Variants in PLEKHA6 observed in about 807,000 individuals in gnomAD.
PLEKHA6 encodes pleckstrin homology domain-containing family A member 6.
Under a neutral mutation model 116.7 loss-of-function variants are expected in PLEKHA6, and 60 were observed. The ratio of observed to expected loss-of-function variants is 0.51; its 90% CI spans 0.42 to 0.64. The LOEUF (loss-of-function observed/expected upper bound fraction) is 0.64, where lower values mean the gene tolerates loss of function less well. Among genes scored for constraint, PLEKHA6 ranks in the 30% least tolerant of loss-of-function variants. The pLI is 0.00. For synonymous variants in PLEKHA6, 489 were observed against 556.1 expected (o/e 0.88, Z 1.70); for missense variants, 1,338 against 1,422.7 (o/e 0.94, Z 0.96).
intron 17 of PLEKHA6, among the ~76,000 whole-genome samples, chr1:204,232,740 A>G (rs1661370505): frequency 6.6e-6 from 1 of 152,234 alleles, no homozygotes; most frequent in Non-Finnish European, 1.5e-5. Context: ...AAAGCTGTGG[A>G]TGCAGAGGCA....
Position 204,250,611 on chromosome 1 carries a change from G to A in PLEKHA6, c.1528C>T (p.Pro510Ser), listed in dbSNP as rs1194090986. The A allele has an allele frequency of 2.5e-6, 4 of 1,611,102 alleles. No individual in the cohort carries two copies. In the East Asian group the frequency reaches 8.9e-5, roughly 36 times the overall value. ...TCCCGGAACACTTCTGGGTATGGAG[G>A]GACCTGCAGGAACATGAGGCCGGTT... ...MRRSISSPKV[P>S]PYPEVFRDSL... Residue 510 changes from proline to serine, a missense_variant, in exon 10 of 23, where the codon CCT becomes TCT. Transcript: ENST00000272203.
intron 6 of PLEKHA6, 142 bp downstream of exon 6, chr1:204,264,800 C>A: frequency 1.4e-6 from 1 of 712,224 alleles, no homozygotes; most frequent in South Asian, 1.6e-5. Context: ...TACTCCTCCT[C>A]CCCCAACCCA....
At chr1:204,227,969 C>G (rs1187414040) in intron 21 of PLEKHA6, 114 bp downstream of exon 21, 2 of 1,112,198 alleles carry the variant, frequency 1.8e-6, no homozygotes, top group African/African-American at 3.1e-5. Context: ...GGAGCATCTC[C>G]TCAGCCTTGT....
chr1:204,354,017 G>A (rs905234464), intron 1 of PLEKHA6, among the ~76,000 whole-genome samples: 8 of 152,182 alleles, frequency 5.3e-5, no homozygotes, highest in Admixed American at 6.5e-5. Context: ...AACAATGACC[G>A]CACCACCTGA....
chr1:204,240,476 G>C (rs1165071674), intron 17 of PLEKHA6, among the ~76,000 whole-genome samples: 1 of 152,210 alleles, frequency 6.6e-6, no homozygotes, highest in Non-Finnish European at 1.5e-5. Context: ...ATATGTTTGT[G>C]CATGTATACA....
intron 13 of PLEKHA6, 133 bp from the exon 14 acceptor site, chr1:204,245,859 C>T (rs1663588541): frequency 3.4e-6 from 2 of 592,034 alleles, no homozygotes; most frequent in Admixed American, 2.9e-5. Flanking sequence ...CACACACACA[C>T]ACACACACAC....
Position 204,261,389 on chromosome 1 carries a change from C to A in PLEKHA6, c.441G>T (p.Glu147Asp). ...FFSAESPEEQ[E>D]AWIQAMGEAA... ...CCTCCCCCATGGCCTGGATCCAGGC[C>A]TCTTGCTCCTCGGGGCTCTCGGCAC... Residue 147 changes from glutamate to aspartate, a missense_variant, in exon 7 of 23, where the codon GAG (glutamate) becomes GAT (aspartate). Physicochemically the swap from Glu to Asp is conservative, Grantham distance 45. Transcript: ENST00000272203. The surrounding 1 kb of genome is among the most constrained non-coding windows in gnomAD (Gnocchi z 4.0). The A allele has an allele frequency of 1.2e-6, 2 of 1,614,116 alleles. No homozygotes were observed. Among genetic ancestry groups the A allele is most frequent in the Non-Finnish European group, 1.7e-6 (2 of 1,180,010 alleles).
intron 2 of PLEKHA6, among the ~76,000 whole-genome samples, chr1:204,371,053 C>CAAAAAAAAAAAAAAA (rs34493461): frequency 5.7e-4 from 39 of 68,482 alleles, no homozygotes; most frequent in African/African-American, 2.2e-3. Context: ...GACTCTGCCT[C>CAAAAAAAAAAAAAAA]AAAAAAAAAA....
chr1:204,274,129 A>T (rs1320600198), intron 2 of PLEKHA6, among the ~76,000 whole-genome samples: 1 of 151,686 alleles, frequency 6.6e-6, no homozygotes, highest in Non-Finnish European at 1.5e-5. Flanking sequence ...ACAGGGTGTC[A>T]CTATGTGGCC....
intron 6 of PLEKHA6, chr1:204,262,152 T>G (rs73075550): frequency 2.0e-5 from 3 of 152,278 alleles, no homozygotes; most frequent in Non-Finnish European, 4.4e-5. Flanking sequence ...CAGATTGTCC[T>G]CTTCTACTCA....
At chr1:204,350,781 G>A (rs530272125) in intron 1 of PLEKHA6, among the ~76,000 whole-genome samples, 2 of 152,232 alleles carry the variant, frequency 1.3e-5, no homozygotes, top group South Asian at 4.2e-4. Flanking sequence ...CTCCTGAGCC[G>A]CCCTGTCAAA....
At chr1:204,313,115 C>T (rs1048782145) in intron 1 of PLEKHA6, among the ~76,000 whole-genome samples, 1 of 133,622 alleles carries the variant, frequency 7.5e-6, no homozygotes, top group Non-Finnish European at 1.6e-5. Flanking sequence ...TTCCTTCCTT[C>T]CTTGCGTTGC....
chr1:204,354,123 G>C (rs1043262119), intron 1 of PLEKHA6, among the ~76,000 whole-genome samples: 4 of 152,188 alleles, frequency 2.6e-5, no homozygotes, highest in African/African-American at 9.7e-5. Flanking sequence ...CTCAGATCAT[G>C]ATGAGCCAGA....
At chr1:204,262,834 C>T (rs1246549458) in intron 6 of PLEKHA6, among the ~76,000 whole-genome samples, 1 of 151,990 alleles carries the variant, frequency 6.6e-6, no homozygotes, top group African/African-American at 2.4e-5. Flanking sequence ...GAGGTGTTGA[C>T]AAAAAGCCAG....
chr1:204,282,671 A>G (rs1341464606), intron 1 of PLEKHA6: 1 of 985,262 alleles, frequency 1.0e-6, no homozygotes, highest in Non-Finnish European at 1.2e-6. Flanking sequence ...ATTGTGGGGA[A>G]CTGCGATTCT....
chr1:204,309,170 G>T, intron 1 of PLEKHA6: 2 of 435,028 alleles, frequency 4.6e-6, no homozygotes, highest in Non-Finnish European at 6.1e-6. Context: ...TGAGGTCATA[G>T]ACAGATTCAC....
At chr1:204,273,990 G>A (rs1484353172) in intron 2 of PLEKHA6, among the ~76,000 whole-genome samples, 1 of 152,166 alleles carries the variant, frequency 6.6e-6, no homozygotes, top group Admixed American at 6.5e-5. Flanking sequence ...CTGTAGCACA[G>A]TGGCACAATC....
In PLEKHA6 at chr1:204,259,375, C is replaced by T. The variant is rs201176357; in HGVS notation, c.890G>A (p.Arg297Gln). ...SQDGETGGHR[R>Q]SFPPRTNPDK... ...AGGGTTGGTGCGTGGTGGGAAACTC[C>T]GCCGGTGTCCCCCAGTCTCTCCATC... Residue 297 changes from arginine (R) to glutamine (Q), a missense_variant, in exon 8 of 23, where the codon CGG (arginine) becomes CAG (glutamine). Arg to Gln is a conservative substitution (Grantham distance 43). Around this residue, in one of 3 missense-constraint regions of PLEKHA6, gnomAD observed 1,136 missense variants for 1,163.6 expected, o/e 0.98. Coordinates refer to ENST00000272203, the MANE Select transcript of PLEKHA6 (RefSeq NM_014935.5). This position sits in a 1 kb window ranked among gnomAD's most constrained non-coding sequence, Gnocchi z 4.6. The T allele has an allele frequency of 5.2e-5, 84 of 1,614,222 alleles. 1 individual carries two copies. The highest frequency in any genetic ancestry group is 3.8e-4 in the Admixed American group (23 of 60,034).
chr1:204,308,986 G>A (rs1050257889), intron 1 of PLEKHA6: 2 of 681,152 alleles, frequency 2.9e-6, no homozygotes, highest in African/African-American at 3.9e-5. Flanking sequence ...ACCACGCCCG[G>A]CCTCAAGAAG....
Sources: allele counts gnomAD v4.1 joint callset (sites outside exome capture counted in the v4.1 genomes callset), GRCh38; gene constraint gnomAD v4.1.1; regional missense constraint gnomAD v4.1.1; non-coding constraint Gnocchi (gnomAD v3.1); transcripts MANE v1.5; gene names NCBI Gene and HGNC (gene_info 2026-07-23, HGNC 2026-07-21).